ZDHHC11B: variants seen among roughly 807,000 people sequenced by gnomAD.
ZDHHC11B encodes probable palmitoyltransferase ZDHHC11B.
In ZDHHC11B, 17 loss-of-function variants were observed where a neutral mutation model predicts 42.3. The observed-to-expected ratio is 0.40, with a 90% CI of 0.27 to 0.60. ZDHHC11B has a LOEUF of 0.60. Ranked by LOEUF, ZDHHC11B falls within the 20% of genes least tolerant of loss-of-function variation. ZDHHC11B has a pLI of 0.41. For synonymous variants in ZDHHC11B, 123 were observed against 193.5 expected, an observed-to-expected ratio of 0.64 and a Z score of 3.02; for missense variants, 262 against 463.2, an observed-to-expected ratio of 0.57 and a Z score of 3.99.
intron 7 of ZDHHC11B, among the ~76,000 whole-genome samples, chr5:749,665 A>G (rs1279375596): frequency 7.7e-6 from 1 of 130,250 alleles, no homozygotes; most frequent in Admixed American, 8.8e-5. Context: ...GCCACAATCA[A>G]TGAACTCACA....
At chr5:777,166 C>A (rs566215794) in intron 1 of ZDHHC11B, among the ~76,000 whole-genome samples, 1 of 151,904 alleles carries the variant, frequency 6.6e-6, no homozygotes, top group Admixed American at 6.6e-5. Flanking sequence ...TCTGGAGTTT[C>A]TTCCTTCTGG....
At chr5:769,762 CTT>C in intron 1 of ZDHHC11B, among the ~76,000 whole-genome samples, 1 of 152,006 alleles carries the variant, frequency 6.6e-6, no homozygotes, top group Non-Finnish European at 1.5e-5. Flanking sequence ...TCTAACAGCT[CTT>C]CTTTTTCTAA....
intron 9 of ZDHHC11B, among the ~76,000 whole-genome samples, chr5:743,336 T>G (rs1278147825): frequency 6.7e-6 from 1 of 149,218 alleles, no homozygotes. Flanking sequence ...AGTCTGGTTG[T>G]GTAAGTTCTC....
intron 12 of ZDHHC11B, among the ~76,000 whole-genome samples, chr5:726,250 C>A (rs1273468696): frequency 6.6e-6 from 1 of 151,550 alleles, no homozygotes; most frequent in Non-Finnish European, 1.5e-5. Flanking sequence ...ATGATTTAAA[C>A]AAAGTCCCTG....
chr5:713,838 T>C (rs1456038786), intron 13 of ZDHHC11B, among the ~76,000 whole-genome samples: 2 of 151,600 alleles, frequency 1.3e-5, no homozygotes, highest in African/African-American at 2.4e-5. Context: ...GGTACCGCCC[T>C]CTGGGGGCCC....
In ZDHHC11B at chr5:717,633, CATAA is replaced by C. The variant is rs201087534; in HGVS notation, c.1059-772_1059-769del. Among the ~76,000 whole-genome samples, 294 of 151,880 alleles carry C rather than the reference CATAA, an allele frequency of 1.9e-3. No homozygotes were observed. The East Asian group carries it at 0.021, about 11-fold the overall frequency. ...ATTATAATCAGGATATAAACGGATCCATAAATGAGTAAGGACAGGACATCAAAGA... is the reference window on the plus strand; with the variant it reads ...ATTATAATCAGGATATAAACGGATCCATGAGTAAGGACAGGACATCAAAGA... On this transcript the variant is annotated intron_variant, in intron 12 of 13. Coordinates refer to ENST00000508859, the MANE Select transcript of ZDHHC11B (RefSeq NM_001351303.2).
At chr5:713,538 G>T (rs1349729937) in intron 13 of ZDHHC11B, among the ~76,000 whole-genome samples, 1 of 151,982 alleles carries the variant, frequency 6.6e-6, no homozygotes, top group African/African-American at 2.4e-5. Flanking sequence ...TCTTTGCTTT[G>T]TAGTTTTATT....
chr5:728,053 G>T (rs1579262788), intron 12 of ZDHHC11B, among the ~76,000 whole-genome samples: 1 of 150,142 alleles, frequency 6.7e-6, no homozygotes, highest in East Asian at 1.9e-4. Context: ...AATGTGCAAA[G>T]AGCACTTAAT....
At chr5:730,499 G>A (rs1229441566) in intron 11 of ZDHHC11B, 31 bp from the exon 12 acceptor site, 1 of 1,547,620 alleles carries the variant, frequency 6.5e-7, no homozygotes, top group Non-Finnish European at 8.7e-7. Context: ...AAATTCTTAG[G>A]ATGAACAAAG....
chr5:747,733 C>A (rs1387755690), intron 8 of ZDHHC11B: 4 of 173,702 alleles, frequency 2.3e-5, no homozygotes, highest in Non-Finnish European at 3.6e-5. Context: ...TCCACAGAAA[C>A]CCCCTGAGAG....
intron 1 of ZDHHC11B, among the ~76,000 whole-genome samples, chr5:773,986 G>A (rs1736261716): frequency 6.6e-6 from 1 of 151,922 alleles, no homozygotes; most frequent in Admixed American, 6.6e-5. Flanking sequence ...TCAGAGTGGG[G>A]CAGGCAAAGG....
chr5:777,674 G>C (rs1450951324), intron 1 of ZDHHC11B, among the ~76,000 whole-genome samples: 8 of 151,928 alleles, frequency 5.3e-5, no homozygotes, highest in East Asian at 1.9e-4. Context: ...GGTCCATTTT[G>C]ACAGAGTGCT....
chr5:766,951 A>G lies in ZDHHC11B; in HGVS notation c.1-32T>C, dbSNP rs1257775622. The G allele has an allele frequency of 4.4e-6, 7 of 1,603,636 alleles. No homozygotes were observed. In the Admixed American group the frequency reaches 5.0e-5, roughly 11 times the overall value. The stretch of plus-strand genomic sequence containing the variant: ...GACACAGAAGGGGAGGACCTGCGCC[A>G]TCAGCTCCGGGGAGGGCCGGCCCCA... On this transcript the variant is annotated intron_variant, in intron 3 of 13. Coordinates refer to ENST00000508859, the MANE Select transcript of ZDHHC11B (RefSeq NM_001351303.2).
Position 750,944 on chromosome 5 carries a change from C to T in ZDHHC11B, c.628+189G>A, listed in dbSNP as rs1485626103. The stretch of plus-strand genomic sequence containing the variant: ...GCGCCCTCCCCGAGCCTGCCTCCCG[C>T]GCGCTGGGGGCTGCTGGGCTGTATG... On this transcript the variant is annotated intron_variant, in intron 7 of 13. Transcript: ENST00000508859. 4.4e-5 allele frequency among the ~76,000 whole-genome samples: 5 copies of T among 114,422 alleles called. 1 individual carries two copies. The highest frequency in any genetic ancestry group is 7.8e-5 in the Non-Finnish European group (4 of 51,292). The allele number at this position is 114,422 out of a possible 152,430, so 75.1% of individuals were successfully genotyped here.
At chr5:780,130 C>G (rs1736854540) in intron 1 of ZDHHC11B, among the ~76,000 whole-genome samples, 1 of 149,746 alleles carries the variant, frequency 6.7e-6, no homozygotes, top group Non-Finnish European at 1.5e-5. Context: ...GGATGTGGGT[C>G]AACAGGAAAC....
chr5:757,394 C>A (rs1180942829), intron 4 of ZDHHC11B, among the ~76,000 whole-genome samples: 1 of 151,968 alleles, frequency 6.6e-6, no homozygotes, highest in Non-Finnish European at 1.5e-5. Context: ...GGGTCCTGCA[C>A]CAGGCCAGGG....
intron 1 of ZDHHC11B, among the ~76,000 whole-genome samples, chr5:773,546 G>A (rs541935854): frequency 5.9e-5 from 9 of 151,912 alleles, no homozygotes; most frequent in Admixed American, 5.3e-4. Flanking sequence ...CCAGGCCTGT[G>A]CCCACCATCT....
Position 766,736 on chromosome 5 carries a change from G to C in ZDHHC11B, c.184C>G (p.Pro62Ala), listed in dbSNP as rs1266690552. 1.2e-6 allele frequency: 2 copies of C among 1,611,888 alleles called. No homozygotes were observed. The highest frequency in any genetic ancestry group is 1.7e-6 in the Non-Finnish European group (2 of 1,178,874). The stretch of plus-strand genomic sequence containing the variant: ...TATTTCCACGAGTGAGGCAGGAGGG[G>C]AATGAAGATCCTGAAGGTGGCCAAG... ...LSLATFRIFIPLLPHSWKYIA... is the reference protein window; with the variant it reads ...LSLATFRIFIALLPHSWKYIA... The change falls in exon 4 of 14, where the codon CCC becomes GCC. Residue 62 changes from proline to alanine, a missense_variant. Coordinates refer to ENST00000508859, the MANE Select transcript of ZDHHC11B (RefSeq NM_001351303.2).
Position 727,305 on chromosome 5 carries a change from G to A in ZDHHC11B, c.1058+3129C>T, listed in dbSNP as rs365815. 3.3e-3 allele frequency among the ~76,000 whole-genome samples: 426 copies of A among 130,022 alleles called. 4 individuals carry two copies. The highest frequency in any genetic ancestry group is 4.7e-3 in the Non-Finnish European group (263 of 55,490). The allele number at this position is 130,022 out of a possible 152,430, so 85.3% of individuals were successfully genotyped here. On this transcript the variant is annotated intron_variant, in intron 12 of 13. Coordinates refer to ENST00000508859, the MANE Select transcript of ZDHHC11B (RefSeq NM_001351303.2). ...ACTTCCATCCTCTGCCCACCTGGGGGAGACTGACTTCTGGGTCCTTATTGT... is the reference window on the plus strand; with the variant it reads ...ACTTCCATCCTCTGCCCACCTGGGGAAGACTGACTTCTGGGTCCTTATTGT...
Sources: gnomAD v4.1 joint callset for allele counts (sites outside exome capture counted in the v4.1 genomes callset) on GRCh38, gnomAD v4.1.1 for gene constraint, MANE v1.5 for transcripts, NCBI Gene and HGNC (gene_info 2026-07-23, HGNC 2026-07-21) for gene names.